Variants in SHISAL1 observed in about 807,000 individuals in gnomAD.
SHISAL1 encodes protein shisa-like-1.
Under a neutral mutation model 22.6 loss-of-function variants are expected in SHISAL1, and 9 were observed. The observed-to-expected ratio is 0.40, with a 90% confidence interval of 0.24 to 0.70. SHISAL1 has a LOEUF of 0.70. Among genes scored for constraint, SHISAL1 ranks in the 30% least tolerant of loss-of-function variants. SHISAL1 has a pLI of 0.39. For missense variants in SHISAL1, 246 were observed against 270.6 expected (o/e 0.91, Z 0.64); for synonymous variants, 119 against 115.4 (o/e 1.03, Z -0.20).
intron 3 of SHISAL1, among the ~76,000 whole-genome samples, chr22:44,289,677 G>A (rs550368058): frequency 3.3e-4 from 51 of 152,324 alleles, no homozygotes; most frequent in African/African-American, 1.1e-3. Flanking sequence ...AGGCGGGGAC[G>A]CCCAGGCCAT....
chr22:44,313,650 C>A (rs926223782), upstream of SHISAL1, among the ~76,000 whole-genome samples: 6 of 152,138 alleles, frequency 3.9e-5, no homozygotes, highest in Non-Finnish European at 8.8e-5. Context: ...CTGGCCTCTG[C>A]AGCCACACTT....
chr22:44,300,841 C>G (rs113050020), intron 2 of SHISAL1, 38 bp downstream of exon 2: 6 of 1,581,826 alleles, frequency 3.8e-6, no homozygotes, highest in South Asian at 2.2e-5. Flanking sequence ...CACACCCCCA[C>G]GTGCCGCCCC....
intron 4 of SHISAL1, among the ~76,000 whole-genome samples, chr22:44,283,658 G>A (rs570744633): frequency 6.6e-6 from 1 of 152,336 alleles, no homozygotes; most frequent in South Asian, 2.1e-4. Flanking sequence ...GTTCGGCGAG[G>A]TGTGAGCTAT....
intron 4 of SHISAL1, among the ~76,000 whole-genome samples, chr22:44,259,032 C>T (rs1170245892): frequency 6.6e-6 from 1 of 152,120 alleles, no homozygotes; most frequent in African/African-American, 2.4e-5. Flanking sequence ...CTGACTCGAC[C>T]ATGAGGCTGA....
chr22:44,321,095 T>C, the SHISAL1 span, among the ~76,000 whole-genome samples: 12 of 152,204 alleles, frequency 7.9e-5, no homozygotes, highest in East Asian at 3.9e-4. Flanking sequence ...GGATTAGCAA[T>C]GTCTAATGGT....
Position 44,264,664 on chromosome 22 carries a change from C to G in SHISAL1, c.*-14979G>C, listed in dbSNP as rs148416060. 3.0e-3 allele frequency among the ~76,000 whole-genome samples: 453 copies of G among 152,304 alleles called. 6 individuals are homozygous for G. Among genetic ancestry groups the G allele is most frequent in the African/African-American group, 0.01 (417 of 41,572 alleles). Reference sequence around the variant, plus strand: ...TAACCAGAGTCCTACAGGCCCCAGCCTGAATTGGACCCAGCAGTTCACAAG... The same window carrying G: ...TAACCAGAGTCCTACAGGCCCCAGCGTGAATTGGACCCAGCAGTTCACAAG... On this transcript the variant is annotated intron_variant, in intron 4 of 4. Coordinates refer to ENST00000381176, the MANE Select transcript of SHISAL1 (RefSeq NM_001099294.2).
intron 3 of SHISAL1, among the ~76,000 whole-genome samples, chr22:44,287,398 G>A (rs73888973): frequency 6.6e-6 from 1 of 152,214 alleles, no homozygotes; most frequent in African/African-American, 2.4e-5. Context: ...TTCTTGGCCT[G>A]AAGATGCTGC....
intron 3 of SHISAL1, among the ~76,000 whole-genome samples, chr22:44,293,171 G>A (rs988679672): frequency 3.3e-5 from 5 of 152,166 alleles, no homozygotes; most frequent in African/African-American, 9.7e-5. Flanking sequence ...GTCAGATCTC[G>A]AGAATCAAGC....
intron 4 of SHISAL1, among the ~76,000 whole-genome samples, chr22:44,265,531 C>T (rs1201504342): frequency 6.6e-6 from 1 of 152,112 alleles, no homozygotes; most frequent in Non-Finnish European, 1.5e-5. Flanking sequence ...TCCTGAGAGA[C>T]CCCCAAGCCA....
rs1049944452 is a variant in SHISAL1 at position 44,300,311 on chromosome 22, C to A, written c.67+568G>T. On this transcript the variant is annotated intron_variant, in intron 2 of 4. Transcript: ENST00000381176. ...GAGGGGGCTCCTTGCTGGGAGCAGG[C>A]CCTGGCTGGGGAGCAGGGCTGCCCT... Among the ~76,000 whole-genome samples, 3 of 152,104 alleles carry A rather than the reference C, an allele frequency of 2.0e-5. No individual in the cohort carries two copies. In the East Asian group the frequency reaches 5.8e-4, roughly 29 times the overall value.
At chr22:44,281,949 G>A (rs1463054539) in intron 4 of SHISAL1, among the ~76,000 whole-genome samples, 6 of 152,196 alleles carry the variant, frequency 3.9e-5, no homozygotes, top group African/African-American at 1.4e-4. Context: ...CACGCGATTC[G>A]GCAGCACTTG....
intron 4 of SHISAL1, among the ~76,000 whole-genome samples, chr22:44,252,829 C>A (rs2147267384): frequency 6.6e-6 from 1 of 151,834 alleles, no homozygotes; most frequent in South Asian, 2.1e-4. Context: ...CCCGTCTCTA[C>A]TAAAAATACA....
chr22:44,324,939 A>G, the SHISAL1 span, among the ~76,000 whole-genome samples: 2 of 152,196 alleles, frequency 1.3e-5, no homozygotes, highest in Non-Finnish European at 2.9e-5. Flanking sequence ...GAACAATTTA[A>G]ACAGCAAAGG....
chr22:44,267,413 GCCCCCA>G (rs1209696203), intron 4 of SHISAL1, among the ~76,000 whole-genome samples: 2 of 151,070 alleles, frequency 1.3e-5, no homozygotes, highest in African/African-American at 4.9e-5. Context: ...CTCCTTCTCA[GCCCCCA>G]CCCCAGGCCC....
intron 4 of SHISAL1, among the ~76,000 whole-genome samples, chr22:44,260,818 C>A (rs2055117243): frequency 6.6e-6 from 1 of 152,068 alleles, no homozygotes; most frequent in Admixed American, 6.5e-5. Context: ...CAGCGTCACT[C>A]CTGACTTTGG....
chr22:44,325,247 GA>G, the SHISAL1 span, among the ~76,000 whole-genome samples: 2,647 of 126,570 alleles, frequency 0.021, 54 homozygotes, highest in African/African-American at 0.061. Context: ...CGTCTCAAAA[GA>G]AAAAAAAAAA....
chr22:44,325,351 A>G, the SHISAL1 span, among the ~76,000 whole-genome samples: 1 of 151,978 alleles, frequency 6.6e-6, no homozygotes, highest in Non-Finnish European at 1.5e-5. Flanking sequence ...ATGGGCAGAG[A>G]GAGGCTCCAT....
intron 1 of SHISAL1, among the ~76,000 whole-genome samples, chr22:44,306,322 A>G (rs117025108): frequency 0.13 from 8,989 of 70,204 alleles, 332 homozygotes; most frequent in South Asian, 0.24. Flanking sequence ...TGACGATGGC[A>G]TGTGTGGAGG....
chr22:44,311,895 G>C (rs927736838), intron 1 of SHISAL1, among the ~76,000 whole-genome samples: 8 of 152,222 alleles, frequency 5.3e-5, no homozygotes, highest in African/African-American at 1.7e-4. Flanking sequence ...GCACCATGGA[G>C]ATAAAACAAC....
Sources: gnomAD v4.1 joint callset for allele counts (sites outside exome capture counted in the v4.1 genomes callset) on GRCh38, gnomAD v4.1.1 for gene constraint, MANE v1.5 for transcripts, NCBI Gene and HGNC (gene_info 2026-07-23, HGNC 2026-07-21) for gene names.